The following SRPK2 variants were observed in gnomAD, a reference collection of about 807,000 sequenced individuals.
The protein encoded by SRPK2 is SFRS protein kinase 2.
SRPK2 carries 21 observed loss-of-function variants against 90.8 expected under a neutral mutation model. That is an observed-to-expected ratio of 0.23 (90% CI 0.16 to 0.33). The LOEUF is 0.33. Ranked by LOEUF, SRPK2 falls within the 10% of genes least tolerant of loss-of-function variation. SRPK2 has a pLI of 1.00. For missense variants in SRPK2, 620 were observed against 869.0 expected, an observed-to-expected ratio of 0.71 and a Z score of 3.60; for synonymous variants, 288 against 311.1, an observed-to-expected ratio of 0.93 and a Z score of 0.78.
At position 105,151,582 on chromosome 7, in the gene SRPK2, C is replaced by T. The variant is rs141444723; in HGVS notation, c.622-4924G>A. Among the ~76,000 whole-genome samples the T allele has an allele frequency of 8.6e-4, 131 of 152,294 alleles. 3 individuals are homozygous for T. The highest frequency in any genetic ancestry group is 3.0e-3 in the African/African-American group (126 of 41,568). ...GATGGGATCCCGCTATGTTCCCAGG[C>T]TGGAGTGCAGTGGCTATTCAGAGGT... On this transcript the variant is annotated intron_variant, in intron 7 of 15. Transcript: ENST00000393651.
At chr7:105,237,313 C>T (rs1370807964) in intron 2 of SRPK2, among the ~76,000 whole-genome samples, 4 of 152,196 alleles carry the variant, frequency 2.6e-5, no homozygotes, top group Non-Finnish European at 5.9e-5. Flanking sequence ...TTCCTACTCC[C>T]CACTGCAAGT....
intron 2 of SRPK2, among the ~76,000 whole-genome samples, chr7:105,365,440 T>G (rs1047722895): frequency 6.9e-5 from 10 of 144,228 alleles, no homozygotes; most frequent in African/African-American, 2.6e-4. Flanking sequence ...GAGCCGAGAT[T>G]GCACCATTGC....
intron 2 of SRPK2, among the ~76,000 whole-genome samples, chr7:105,254,489 T>C (rs1283998353): frequency 6.6e-6 from 1 of 152,202 alleles, no homozygotes; most frequent in African/African-American, 2.4e-5. Context: ...TGTACATCCA[T>C]CCATATCATG....
intron 2 of SRPK2, among the ~76,000 whole-genome samples, chr7:105,376,320 CACACACACAA>C (rs879893698): frequency 1.4e-4 from 22 of 151,784 alleles, no homozygotes; most frequent in Admixed American, 5.9e-4. Context: ...TTAAAACACA[CACACACACAA>C]ACACACACCC....
chr7:105,129,560 AGATGGG>A (rs1801706761), intron 13 of SRPK2, among the ~76,000 whole-genome samples: 1 of 144,248 alleles, frequency 6.9e-6, no homozygotes, highest in Non-Finnish European at 1.6e-5. Context: ...TTTTCAGTAG[AGATGGG>A]GTTTTGCCAT....
intron 3 of SRPK2, among the ~76,000 whole-genome samples, chr7:105,175,550 A>G (rs1366496481): frequency 1.3e-5 from 2 of 152,186 alleles, no homozygotes; most frequent in South Asian, 2.1e-4. Flanking sequence ...ACAAAAAAGC[A>G]TAAGAACAGT....
At chr7:105,356,543 C>G (rs1038841700) in intron 2 of SRPK2, among the ~76,000 whole-genome samples, 2 of 152,078 alleles carry the variant, frequency 1.3e-5, no homozygotes, top group African/African-American at 4.8e-5. Flanking sequence ...AAATGTTACT[C>G]ACTATATTAG....
intron 1 of SRPK2, among the ~76,000 whole-genome samples, chr7:105,396,794 G>GAGAGAGAGAAAGAAAGAA (rs1822339325): frequency 9.0e-6 from 1 of 111,188 alleles, no homozygotes; most frequent in African/African-American, 3.0e-5. Context: ...AAGAAAGAAA[G>GAGAGAGAGAAAGAAAGAA]AGAAAGAGAA....
chr7:105,168,505 A>G (rs530923428), intron 4 of SRPK2, among the ~76,000 whole-genome samples: 2 of 152,312 alleles, frequency 1.3e-5, no homozygotes, highest in African/African-American at 4.8e-5. Flanking sequence ...AATGAGATCT[A>G]TCCAATACAC....
chr7:105,389,021 G>A (rs1198363114), upstream of SRPK2: 1 of 972,994 alleles, frequency 1.0e-6, no homozygotes, highest in African/African-American at 1.9e-5. Flanking sequence ...CCCGGGGGTC[G>A]GGACCCCAGC....
At chr7:105,220,964 G>T (rs1798026352) in intron 2 of SRPK2, among the ~76,000 whole-genome samples, 4 of 151,968 alleles carry the variant, frequency 2.6e-5, no homozygotes, top group Admixed American at 2.6e-4. Flanking sequence ...AGTAGAAAAT[G>T]AAAAAATAAA....
intron 13 of SRPK2, among the ~76,000 whole-genome samples, chr7:105,127,516 G>T (rs1409733291): frequency 6.6e-6 from 1 of 152,184 alleles, no homozygotes. Context: ...AGTAACCAAG[G>T]ACTATTTTCA....
At chr7:105,393,693 G>A (rs543203483), upstream of SRPK2, among the ~76,000 whole-genome samples, 22 of 151,710 alleles carry the variant, frequency 1.5e-4, no homozygotes, top group South Asian at 6.2e-4. Flanking sequence ...ATGCAATTCA[G>A]CCATTTTAAA....
intron 6 of SRPK2, among the ~76,000 whole-genome samples, chr7:105,163,672 G>A (rs1271086725): frequency 5.3e-5 from 8 of 152,086 alleles, no homozygotes; most frequent in South Asian, 2.1e-4. Context: ...TTAGCTGGGC[G>A]TGGTGGCACA....
chr7:105,145,625 T>C (rs1001357406), intron 8 of SRPK2, among the ~76,000 whole-genome samples: 2 of 152,206 alleles, frequency 1.3e-5, no homozygotes, highest in Admixed American at 6.5e-5. Context: ...TGGAAAAGAA[T>C]ACATATCACA....
intron 2 of SRPK2, among the ~76,000 whole-genome samples, chr7:105,380,754 C>T (rs1341544849): frequency 2.0e-5 from 3 of 151,508 alleles, no homozygotes; most frequent in Non-Finnish European, 4.4e-5. Flanking sequence ...GATCTCCTGA[C>T]CTTGTGATCT....
rs1427902749 is a variant in SRPK2 at position 105,132,778 on chromosome 7, C to G, written c.1752+13G>C. 1 of 1,597,432 alleles carries G rather than the reference C, an allele frequency of 6.3e-7. No homozygotes were observed. The highest frequency in any genetic ancestry group is 8.5e-7 in the Non-Finnish European group (1 of 1,169,644). On this transcript the variant is annotated intron_variant, in intron 13 of 15. Transcript: ENST00000393651. Reference sequence around the variant, plus strand: ...CCAATTCCCATGGCAGCAAAGGGCACAGCCGTCCTTACCATACACGCCGTG... The same window carrying G: ...CCAATTCCCATGGCAGCAAAGGGCAGAGCCGTCCTTACCATACACGCCGTG...
chr7:105,360,890 G>A (rs1818350885), intron 2 of SRPK2, among the ~76,000 whole-genome samples: 1 of 152,076 alleles, frequency 6.6e-6, no homozygotes, highest in African/African-American at 2.4e-5. Context: ...GGCAAAAACT[G>A]GAAGCATTCC....
At chr7:105,173,641 C>T (rs941520856) in intron 3 of SRPK2, among the ~76,000 whole-genome samples, 1 of 152,170 alleles carries the variant, frequency 6.6e-6, no homozygotes, top group African/African-American at 2.4e-5. Context: ...CAATGGAACC[C>T]CATGGTCTAC....
Sources: gnomAD v4.1 joint callset for allele counts (sites outside exome capture counted in the v4.1 genomes callset) on GRCh38, gnomAD v4.1.1 for gene constraint, MANE v1.5 for transcripts, NCBI Gene and HGNC (gene_info 2026-07-23, HGNC 2026-07-21) for gene names.